Variants in PCGF5 observed in about 807,000 individuals in gnomAD.
The protein encoded by PCGF5 is polycomb group RING finger protein 5.
Under a neutral mutation model 44.3 loss-of-function variants are expected in PCGF5, and 9 were observed. The ratio of observed to expected loss-of-function variants is 0.20; its 90% CI spans 0.12 to 0.35. The LOEUF is 0.35. Ranked by LOEUF, PCGF5 falls within the 10% of genes least tolerant of loss-of-function variation. PCGF5 has a pLI of 1.00. For missense variants in PCGF5, 146 were observed against 305.3 expected (o/e 0.48, Z 3.89); for synonymous variants, 95 against 102.5 (o/e 0.93, Z 0.44).
intron 1 of PCGF5, among the ~76,000 whole-genome samples, chr10:91,204,749 G>T (rs1381877412): frequency 2.0e-5 from 3 of 152,132 alleles, no homozygotes; most frequent in Non-Finnish European, 4.4e-5. Context: ...CTCTTCTTCA[G>T]ATTTCTTCCT....
At chr10:91,213,296 C>A (rs1844485502) in intron 1 of PCGF5, among the ~76,000 whole-genome samples, 1 of 152,118 alleles carries the variant, frequency 6.6e-6, no homozygotes, top group Admixed American at 6.5e-5. Context: ...TTAGTCTGTG[C>A]AGTCCTTAAA....
At chr10:91,206,886 T>C (rs144151432) in intron 1 of PCGF5, among the ~76,000 whole-genome samples, 7 of 152,318 alleles carry the variant, frequency 4.6e-5, no homozygotes, top group Admixed American at 2.6e-4. Flanking sequence ...TAAATCCTTC[T>C]CTCACCTCCC....
chr10:91,201,347 T>C (rs2133234451), intron 1 of PCGF5, among the ~76,000 whole-genome samples: 1 of 151,928 alleles, frequency 6.6e-6, no homozygotes, highest in South Asian at 2.1e-4. Flanking sequence ...CCTATCATGG[T>C]CCCCCCAGTG....
At chr10:91,225,232 T>C (rs1361887708) in intron 2 of PCGF5, among the ~76,000 whole-genome samples, 1 of 147,450 alleles carries the variant, frequency 6.8e-6, no homozygotes, top group Non-Finnish European at 1.5e-5. Context: ...ATATATATCA[T>C]ATATGTATAT....
rs2133311746 is a variant in PCGF5 at position 91,231,226 on chromosome 10, A to G, written c.112+8243A>G. 2.0e-5 allele frequency among the ~76,000 whole-genome samples: 3 copies of G among 152,310 alleles called. No homozygotes were observed. In the South Asian group the frequency reaches 6.2e-4, roughly 32 times the overall value. ...GTTCTCATTTATATTATAAATCATT[A>G]CTAAGCACTTTGTCTTCCAGATACA... On this transcript the variant is annotated intron_variant, in intron 2 of 9. Transcript: ENST00000336126.
chr10:91,160,576 C>T (rs570534972), upstream of PCGF5, among the ~76,000 whole-genome samples: 1 of 152,018 alleles, frequency 6.6e-6, no homozygotes, highest in Non-Finnish European at 1.5e-5. Flanking sequence ...CTCCTTCATG[C>T]TGAAGAAAGC....
At chr10:91,162,308 G>A (rs770783921), upstream of PCGF5, among the ~76,000 whole-genome samples, 1 of 150,136 alleles carries the variant, frequency 6.7e-6, no homozygotes, top group Admixed American at 6.6e-5. Context: ...GGGGTGGCGG[G>A]GGTGGGGTGG....
At chr10:91,170,472 G>A (rs1381750148) in intron 1 of PCGF5, among the ~76,000 whole-genome samples, 2 of 152,202 alleles carry the variant, frequency 1.3e-5, no homozygotes, top group African/African-American at 4.8e-5. Context: ...CACCTCACCA[G>A]AGAAGATACA....
intron 3 of PCGF5, among the ~76,000 whole-genome samples, chr10:91,245,409 G>A (rs964803049): frequency 2.6e-5 from 4 of 152,036 alleles, no homozygotes; most frequent in African/African-American, 9.7e-5. Flanking sequence ...GGAAAGGAGG[G>A]AGAGGAATTA....
intron 6 of PCGF5, 94 bp downstream of exon 6, chr10:91,251,534 C>A: frequency 8.2e-7 from 1 of 1,226,542 alleles, no homozygotes; most frequent in African/African-American, 1.5e-5. Flanking sequence ...AAAATGTTTG[C>A]TTTCAAAGTT....
At chr10:91,196,815 G>T (rs1424789143) in intron 1 of PCGF5, among the ~76,000 whole-genome samples, 2 of 151,946 alleles carry the variant, frequency 1.3e-5, no homozygotes, top group African/African-American at 4.8e-5. Flanking sequence ...CATCTTCTTT[G>T]TTTACTCTTT....
At chr10:91,204,577 C>T (rs1844306701) in intron 1 of PCGF5, among the ~76,000 whole-genome samples, 1 of 152,140 alleles carries the variant, frequency 6.6e-6, no homozygotes, top group Non-Finnish European at 1.5e-5. Context: ...ATGGTAGAGC[C>T]ATTCCTTTCC....
intron 1 of PCGF5, among the ~76,000 whole-genome samples, chr10:91,169,961 C>A (rs1843573862): frequency 6.6e-6 from 1 of 152,098 alleles, no homozygotes; most frequent in Non-Finnish European, 1.5e-5. Context: ...CATAAATAGA[C>A]CCCAATAAAT....
intron 2 of PCGF5, among the ~76,000 whole-genome samples, chr10:91,232,604 G>T (rs1388793977): frequency 6.6e-6 from 1 of 152,182 alleles, no homozygotes; most frequent in South Asian, 2.1e-4. Context: ...GTGTTCTTAG[G>T]TCATGGTGAC....
chr10:91,243,062 C>G (rs139846317), intron 3 of PCGF5, among the ~76,000 whole-genome samples: 1 of 152,246 alleles, frequency 6.6e-6, no homozygotes, highest in African/African-American at 2.4e-5. Flanking sequence ...GATAGGTTCT[C>G]AGTAAACACT....
chr10:91,213,172 T>C (rs1290825333), intron 1 of PCGF5, among the ~76,000 whole-genome samples: 1 of 152,212 alleles, frequency 6.6e-6, no homozygotes, highest in Non-Finnish European at 1.5e-5. Context: ...TATAATGCCA[T>C]GCATTTACTG....
upstream of PCGF5, among the ~76,000 whole-genome samples, chr10:91,216,445 G>A (rs186184396): frequency 2.6e-5 from 4 of 152,308 alleles, no homozygotes; most frequent in East Asian, 5.8e-4. Context: ...TGGGGAGGCT[G>A]TAGAAGTGAC....
upstream of PCGF5, among the ~76,000 whole-genome samples, chr10:91,161,024 G>A (rs1027647170): frequency 1.1e-4 from 16 of 152,182 alleles, no homozygotes; most frequent in African/African-American, 3.9e-4. Context: ...CCACTGGGTG[G>A]GCTTGGAGGG....
intron 6 of PCGF5, among the ~76,000 whole-genome samples, chr10:91,254,763 T>A (rs1158800597): frequency 6.6e-6 from 1 of 152,110 alleles, no homozygotes; most frequent in Non-Finnish European, 1.5e-5. Context: ...AGTAAGTATC[T>A]CTGAAAATTC....
Sources: gnomAD v4.1 joint callset for allele counts (sites outside exome capture counted in the v4.1 genomes callset) on GRCh38, gnomAD v4.1.1 for gene constraint, MANE v1.5 for transcripts, NCBI Gene and HGNC (gene_info 2026-07-23, HGNC 2026-07-21) for gene names.